Variants in LDLRAD4 observed in about 807,000 individuals in gnomAD.
The protein encoded by LDLRAD4 is low density lipoprotein receptor class A domain containing 4.
A neutral mutation model predicts 17.0 loss-of-function variants in LDLRAD4; 5 were observed. That is an observed-to-expected ratio of 0.29 (90% CI 0.15 to 0.62). The LOEUF is 0.62. LDLRAD4 is among the 20% of genes least tolerant of loss of function. The pLI is 0.84. For synonymous variants in LDLRAD4, 168 were observed against 171.8 expected (o/e 0.98, Z 0.17); for missense variants, 340 against 424.7 (o/e 0.80, Z 1.75).
chr18:13,534,192 C>G (rs1421517880), intron 3 of LDLRAD4, among the ~76,000 whole-genome samples: 1 of 152,192 alleles, frequency 6.6e-6, no homozygotes, highest in African/African-American at 2.4e-5. Flanking sequence ...CCCTGTAACT[C>G]TCACTTTTTT....
At chr18:13,248,942 A>C (rs1157935414) in intron 1 of LDLRAD4, among the ~76,000 whole-genome samples, 1 of 152,048 alleles carries the variant, frequency 6.6e-6, no homozygotes, top group Admixed American at 6.5e-5. Flanking sequence ...TCCCTTTTCT[A>C]CTTTTTACTT....
intron 1 of LDLRAD4, among the ~76,000 whole-genome samples, chr18:13,358,877 A>T (rs1394477700): frequency 6.6e-6 from 1 of 152,224 alleles, no homozygotes; most frequent in African/African-American, 2.4e-5. Flanking sequence ...GATGAAATTT[A>T]ACAAAGGTGA....
At chr18:13,449,851 C>A (rs1169267988) in intron 3 of LDLRAD4, among the ~76,000 whole-genome samples, 1 of 152,176 alleles carries the variant, frequency 6.6e-6, no homozygotes, top group African/African-American at 2.4e-5. Flanking sequence ...GCTGTTCTCC[C>A]TGTCTGGGTT....
chr18:13,456,872 G>C (rs1301584542), intron 3 of LDLRAD4, among the ~76,000 whole-genome samples: 1 of 152,198 alleles, frequency 6.6e-6, no homozygotes, highest in Non-Finnish European at 1.5e-5. Flanking sequence ...GTTTTTTCTA[G>C]ATTCTGTGGC....
chr18:13,401,815 C>A (rs1335041113), intron 2 of LDLRAD4, among the ~76,000 whole-genome samples: 1 of 152,162 alleles, frequency 6.6e-6, no homozygotes. Context: ...GTGGTTTCAG[C>A]CCCCCTCTGG....
chr18:13,604,151 T>C (rs1041527155), intron 3 of LDLRAD4, among the ~76,000 whole-genome samples: 1 of 152,346 alleles, frequency 6.6e-6, no homozygotes, highest in East Asian at 1.9e-4. Context: ...GCTTAGTATA[T>C]GCTCCAGTAT....
At chr18:13,413,150 G>A (rs1354760460) in intron 2 of LDLRAD4, among the ~76,000 whole-genome samples, 27 of 152,136 alleles carry the variant, frequency 1.8e-4, no homozygotes, top group Non-Finnish European at 2.8e-4. Context: ...AGCTTGGGTC[G>A]CATGACTGTG....
chr18:13,227,677 A>G (rs1188823392), intron 1 of LDLRAD4, among the ~76,000 whole-genome samples: 1 of 152,244 alleles, frequency 6.6e-6, no homozygotes, highest in Non-Finnish European at 1.5e-5. Flanking sequence ...ACTTACAGTC[A>G]TGGCGGAAGT....
intron 1 of LDLRAD4, among the ~76,000 whole-genome samples, chr18:13,265,727 C>T (rs190651356): frequency 1.1e-3 from 172 of 152,254 alleles, no homozygotes; most frequent in South Asian, 4.0e-3. Context: ...CCCAGGGCTT[C>T]GTTGGCCATG....
At chr18:13,264,748 G>A (rs1477486915) in intron 1 of LDLRAD4, among the ~76,000 whole-genome samples, 1 of 152,248 alleles carries the variant, frequency 6.6e-6, no homozygotes, top group Non-Finnish European at 1.5e-5. Flanking sequence ...GATTGATTTT[G>A]TTGATGAAGC....
At chr18:13,475,349 TCTC>T (rs1428226067) in intron 3 of LDLRAD4, among the ~76,000 whole-genome samples, 1 of 151,814 alleles carries the variant, frequency 6.6e-6, no homozygotes, top group Non-Finnish European at 1.5e-5. Context: ...GCAGCTTTGA[TCTC>T]CTAGGCTCCA....
At chr18:13,271,889 A>G (rs1338811329) in intron 1 of LDLRAD4, among the ~76,000 whole-genome samples, 2 of 116,184 alleles carry the variant, frequency 1.7e-5, no homozygotes, top group Non-Finnish European at 1.8e-5. Context: ...CCTCCTGTTC[A>G]GTGCTTTTTT....
chr18:13,448,213 CGT>C (rs2091551464), intron 3 of LDLRAD4, among the ~76,000 whole-genome samples: 1 of 152,126 alleles, frequency 6.6e-6, no homozygotes, highest in Non-Finnish European at 1.5e-5. Flanking sequence ...AGGATGTTGT[CGT>C]GTGTGCTTAA....
At chr18:13,327,001 A>G (rs1330100064) in intron 1 of LDLRAD4, among the ~76,000 whole-genome samples, 1 of 152,104 alleles carries the variant, frequency 6.6e-6, no homozygotes, top group Non-Finnish European at 1.5e-5. Context: ...TGTCACTGTT[A>G]CCATCATCAA....
chr18:13,447,440 T>G (rs897587612), intron 3 of LDLRAD4, among the ~76,000 whole-genome samples: 6 of 152,168 alleles, frequency 3.9e-5, no homozygotes, highest in Admixed American at 2.0e-4. Context: ...ATGGTAATTC[T>G]GCCTTTTCAA....
intron 3 of LDLRAD4, among the ~76,000 whole-genome samples, chr18:13,477,167 G>A (rs527605397): frequency 1.1e-4 from 16 of 152,098 alleles, no homozygotes; most frequent in Non-Finnish European, 2.4e-4. Flanking sequence ...TCCCCAGAGG[G>A]GTCCTTCTTT....
chr18:13,597,766 T>C (rs144406036), intron 3 of LDLRAD4, among the ~76,000 whole-genome samples: 1 of 152,316 alleles, frequency 6.6e-6, no homozygotes, highest in East Asian at 1.9e-4. Context: ...CATTTGGTTT[T>C]TTCACAGATA....
chr18:13,290,959 C>T (rs1320694281), intron 1 of LDLRAD4, among the ~76,000 whole-genome samples: 1 of 152,216 alleles, frequency 6.6e-6, no homozygotes, highest in Non-Finnish European at 1.5e-5. Context: ...GCCCAGGGGC[C>T]CAGTCAGCCC....
intron 3 of LDLRAD4, among the ~76,000 whole-genome samples, chr18:13,485,215 G>A (rs915179819): frequency 6.6e-6 from 1 of 152,210 alleles, no homozygotes; most frequent in Non-Finnish European, 1.5e-5. Context: ...TTGCTCTCCA[G>A]GTGTCTGGCT....
Sources: allele counts gnomAD v4.1 joint callset (sites outside exome capture counted in the v4.1 genomes callset), GRCh38; gene constraint gnomAD v4.1.1; transcripts MANE v1.5; gene names NCBI Gene and HGNC (gene_info 2026-07-23, HGNC 2026-07-21).